The following WDR31 variants were observed in gnomAD, a reference collection of about 807,000 sequenced individuals.
WDR31 encodes the protein WD repeat domain 31, also known as WD repeat-containing protein 31.
In WDR31, 30 loss-of-function variants were observed where a neutral mutation model predicts 47.3. That is an observed-to-expected ratio of 0.63 (90% confidence interval 0.47 to 0.86). WDR31 has a LOEUF of 0.86. WDR31 is among the 40% of genes least tolerant of loss of function. The pLI, the probability that WDR31 is intolerant of heterozygous loss-of-function variation, is 0.00. For missense variants in WDR31, 406 were observed against 442.9 expected, an observed-to-expected ratio of 0.92 and a Z score of 0.75; for synonymous variants, 137 against 159.4, an observed-to-expected ratio of 0.86 and a Z score of 1.06.
Position 113,315,770 on chromosome 9 carries a change from GATT to G in WDR31, c.*976_*978del, listed in dbSNP as rs1833181023. ...CAAACTCTGCCTCCCAGGTTCAAGT[GATT>G]CTCCCATCTCAGCCTCCCGAGTAGC... On this transcript the variant is annotated 3_prime_UTR_variant, in exon 11 of 11. Coordinates refer to ENST00000374193, the MANE Select transcript of WDR31 (RefSeq NM_001012361.4). 1 of 151,672 alleles carries G rather than the reference GATT, an allele frequency of 6.6e-6. No homozygotes were observed. Among genetic ancestry groups the G allele is most frequent in the Non-Finnish European group, 1.5e-5 (1 of 68,074 alleles). 9.4% of individuals were successfully genotyped at this position (151,672 alleles called of 1,614,324 possible). A position where few individuals can be genotyped will look rare whatever the true frequency, so the allele number is the denominator to read the frequency against.
chr9:113,334,347 G>A (rs1833671399), intron 2 of WDR31, among the ~76,000 whole-genome samples: 1 of 152,030 alleles, frequency 6.6e-6, no homozygotes, highest in African/African-American at 2.4e-5. Context: ...CCTTTTTAAG[G>A]CAAACATTAG....
chr9:113,321,675 T>A, intron 7 of WDR31, 97 bp from the exon 8 acceptor site: 1 of 1,189,220 alleles, frequency 8.4e-7, no homozygotes, highest in Non-Finnish European at 1.2e-6. Context: ...GTGCCTCTTC[T>A]CAAGGATTCT....
At chr9:113,336,689 T>C (rs1018447473) in intron 1 of WDR31, among the ~76,000 whole-genome samples, 1 of 152,236 alleles carries the variant, frequency 6.6e-6, no homozygotes, top group African/African-American at 2.4e-5. Flanking sequence ...ATCAAAAATC[T>C]TGAGTTGACT....
chr9:113,317,345 C>T (rs1427002252), intron 10 of WDR31, among the ~76,000 whole-genome samples: 1 of 152,158 alleles, frequency 6.6e-6, no homozygotes, highest in Non-Finnish European at 1.5e-5. Context: ...TCAGCTGACC[C>T]ATCTCCCTCC....
intron 5 of WDR31, 65 bp downstream of exon 5, chr9:113,328,816 C>G (rs1833531532): frequency 7.4e-6 from 10 of 1,356,944 alleles, no homozygotes; most frequent in Non-Finnish European, 9.5e-6. Flanking sequence ...CTCTTAATAT[C>G]TAGAACTATT....
In WDR31 at chr9:113,315,865, G is replaced by A. The variant is rs1420814285; in HGVS notation, c.*884C>T. 5 of 151,912 alleles carry A rather than the reference G, an allele frequency of 3.3e-5. No individual in the cohort carries two copies. The highest frequency in any genetic ancestry group is 2.9e-5 in the Non-Finnish European group (2 of 67,998). The allele number at this position is 151,912 out of a possible 1,614,324, so 9.4% of individuals were successfully genotyped here. A position where few individuals can be genotyped will look rare whatever the true frequency, so the allele number is the denominator to read the frequency against. ...TGACCTAAAGTGATCTGCCTGCCTC[G>A]TTTTTCCTGTATGTTCTAATGTTAT... On this transcript the variant is annotated 3_prime_UTR_variant, in exon 11 of 11. Coordinates refer to ENST00000374193, the MANE Select transcript of WDR31 (RefSeq NM_001012361.4).
chr9:113,326,070 C>A (rs1833458004), intron 5 of WDR31, among the ~76,000 whole-genome samples: 1 of 152,172 alleles, frequency 6.6e-6, no homozygotes, highest in Non-Finnish European at 1.5e-5. Flanking sequence ...CGCCACCACA[C>A]CTGGCTAATT....
At chr9:113,337,358 G>A (rs577586995) in intron 1 of WDR31, among the ~76,000 whole-genome samples, 1 of 152,022 alleles carries the variant, frequency 6.6e-6, no homozygotes, top group Non-Finnish European at 1.5e-5. Context: ...TGTTACTACA[G>A]GTTGAGCATC....
At chr9:113,322,067 T>C (rs1274239909) in intron 7 of WDR31, among the ~76,000 whole-genome samples, 2 of 151,676 alleles carry the variant, frequency 1.3e-5, no homozygotes, top group East Asian at 3.8e-4. Flanking sequence ...TATCTGACCA[T>C]TGGCAGTCAT....
At chr9:113,329,978 T>C (rs1397163006) in intron 4 of WDR31, among the ~76,000 whole-genome samples, 2 of 151,892 alleles carry the variant, frequency 1.3e-5, no homozygotes, top group African/African-American at 2.4e-5. Context: ...CAAAACTCTG[T>C]CTCAAATAAT....
At chr9:113,325,481 CT>C (rs1833441346) in intron 5 of WDR31, among the ~76,000 whole-genome samples, 2 of 151,672 alleles carry the variant, frequency 1.3e-5, no homozygotes, top group African/African-American at 4.8e-5. Flanking sequence ...TTATTTTTCC[CT>C]TTATATTTTT....
chr9:113,328,390 G>A (rs1019615090), intron 5 of WDR31, among the ~76,000 whole-genome samples: 16 of 152,278 alleles, frequency 1.1e-4, no homozygotes, highest in East Asian at 3.9e-4. Flanking sequence ...ACTTCAGAGC[G>A]GGGAATTATA....
In WDR31 at chr9:113,331,045, T is replaced by C. The variant is rs958029675; in HGVS notation, c.188A>G (p.Asp63Gly). The C allele has an allele frequency of 8.7e-6, 14 of 1,612,648 alleles. No homozygotes were observed. Among genetic ancestry groups the C allele is most frequent in the Non-Finnish European group, 1.2e-5 (14 of 1,178,932 alleles). ...CAAAGCAGCCACGACAGAGACGGTA[T>C]CCATGTGAGCTGGGCTATACTCTTG... ...AFQEYSPAHM[D>G]TVSVVAALNS... Residue 63 changes from aspartate to glycine, a missense_variant, in exon 4 of 11, where the codon GAT becomes GGT. Transcript: ENST00000374193.
chr9:113,333,359 T>C (rs536745603), intron 2 of WDR31, among the ~76,000 whole-genome samples: 1 of 148,058 alleles, frequency 6.8e-6, no homozygotes, highest in African/African-American at 2.4e-5. Context: ...ATAACCTTCC[T>C]TGGTTGTTGG....
Position 113,328,863 on chromosome 9 carries a change from T to A in WDR31, c.324+18A>T. 1 of 1,599,964 alleles carries A rather than the reference T, an allele frequency of 6.3e-7. No individual in the cohort carries two copies. Among genetic ancestry groups the A allele is most frequent in the African/African-American group, 1.3e-5 (1 of 74,744 alleles). ...ATTCAGTTCCAGATTGCCTTCATAA[T>A]AATCATTTGAAAATTACCTTGGTGA... On this transcript the variant is annotated intron_variant, in intron 5 of 10. Transcript: ENST00000374193.
chr9:113,337,707 C>G (rs1259532899), intron 1 of WDR31, among the ~76,000 whole-genome samples: 1 of 152,206 alleles, frequency 6.6e-6, no homozygotes, highest in African/African-American at 2.4e-5. Flanking sequence ...TTCAAGTGAT[C>G]TGTCCACCTA....
Position 113,323,211 on chromosome 9 carries a change from G to C in WDR31, c.325-56C>G, listed in dbSNP as rs1833372729. ...TAGCTCTGGTATGCTAGTTGGACTG[G>C]ACTTTAAATTGGGGGAAAGATGAGT... On this transcript the variant is annotated intron_variant, in intron 5 of 10. Transcript: ENST00000374193. 1.0e-5 allele frequency: 16 copies of C among 1,566,992 alleles called. No individual in the cohort carries two copies. The South Asian group carries it at 1.9e-4, about 19-fold the overall frequency.
intron 9 of WDR31, 129 bp downstream of exon 9, chr9:113,320,228 C>T (rs1332332272): frequency 1.1e-5 from 14 of 1,222,354 alleles, no homozygotes; most frequent in Non-Finnish European, 1.6e-5. Flanking sequence ...GGATCACTCA[C>T]AGTATGCTTT....
chr9:113,324,103 C>T (rs1410666665), intron 5 of WDR31, among the ~76,000 whole-genome samples: 1 of 152,048 alleles, frequency 6.6e-6, no homozygotes, highest in Admixed American at 6.6e-5. Context: ...AACTCAGTGG[C>T]AACAAGTACA....
Sources: allele counts gnomAD v4.1 joint callset (sites outside exome capture counted in the v4.1 genomes callset), GRCh38; gene constraint gnomAD v4.1.1; transcripts MANE v1.5; gene names NCBI Gene and HGNC (gene_info 2026-07-23, HGNC 2026-07-21).